TBL1X: variants seen among roughly 807,000 people sequenced by gnomAD.
TBL1X encodes F-box-like/WD repeat-containing protein TBL1X.
TBL1X carries 10 observed loss-of-function variants against 50.7 expected under a neutral mutation model. That is an observed-to-expected ratio of 0.20 (90% CI 0.12 to 0.33). The LOEUF (loss-of-function observed/expected upper bound fraction) is 0.33. Among genes scored for constraint, TBL1X ranks in the 10% least tolerant of loss-of-function variants. The pLI, the probability that TBL1X is intolerant of heterozygous loss-of-function variation, is 1.00. For synonymous variants in TBL1X, 190 were observed against 214.7 expected, an observed-to-expected ratio of 0.88 and a Z score of 1.01; for missense variants, 340 against 504.4, an observed-to-expected ratio of 0.67 and a Z score of 3.12.
At chrX:9,541,024 G>A (rs6530302) in intron 2 of TBL1X, among the ~76,000 whole-genome samples, 42,101 of 110,653 alleles carry the variant, frequency 0.38, 6,062 homozygotes, top group East Asian at 0.6. Flanking sequence ...TAAGTAGTAA[G>A]CAAAGAGATT....
intron 2 of TBL1X, among the ~76,000 whole-genome samples, chrX:9,590,377 A>T (rs78145134): frequency 1.8e-5 from 1 of 55,646 alleles, no homozygotes; most frequent in African/African-American, 7.1e-5. Flanking sequence ...TTTTTTTAAA[A>T]AAGTCAGATG....
Position 9,703,758 on chromosome X carries a change from CT to C in TBL1X, c.1115-1233del, listed in dbSNP as rs2083189853. Among the ~76,000 whole-genome samples, 6 of 112,193 alleles carry C rather than the reference CT, an allele frequency of 5.3e-5. No homozygotes were observed. The South Asian group carries it at 2.3e-3, about 42-fold the overall frequency. On this transcript the variant is annotated intron_variant, in intron 12 of 17. Coordinates refer to ENST00000645353, the MANE Select transcript of TBL1X (RefSeq NM_005647.4). ...GCTCTCTCCCCCTTGTCTGGGGCTG[CT>C]TGCAACATCCACATCTGTAGCTGAG...
At chrX:9,555,825 G>GC (rs1398099416) in intron 2 of TBL1X, among the ~76,000 whole-genome samples, 57 of 111,667 alleles carry the variant, frequency 5.1e-4, no homozygotes, top group African/African-American at 1.8e-3. Context: ...AAGGAGTCAG[G>GC]CCCCTTTTTC....
At chrX:9,618,582 G>A (rs756850072) in intron 2 of TBL1X, among the ~76,000 whole-genome samples, 2 of 111,859 alleles carry the variant, frequency 1.8e-5, no homozygotes, top group Non-Finnish European at 3.8e-5. Flanking sequence ...GGGAGGCTGA[G>A]GCAGAAGAAT....
intron 2 of TBL1X, among the ~76,000 whole-genome samples, chrX:9,521,257 A>G (rs943532826): frequency 7.2e-5 from 8 of 111,759 alleles, no homozygotes; most frequent in African/African-American, 2.6e-4. Flanking sequence ...AGAAAGGAAG[A>G]TGATTTCTCT....
intron 2 of TBL1X, among the ~76,000 whole-genome samples, chrX:9,552,953 G>A (rs1027645235): frequency 9.0e-6 from 1 of 111,295 alleles, no homozygotes; most frequent in Non-Finnish European, 1.9e-5. Flanking sequence ...GGCCAGCCTG[G>A]GCAACAGAGA....
rs1239601561 is a variant in TBL1X at position 9,602,005 on chromosome X, C to G, written c.-130-38268C>G. ...GTTGCAGTGAGCCGAGATTGCGCCA[C>G]TGCACTCCAGCCTGGGCAACAGGTC... On this transcript the variant is annotated intron_variant, in intron 2 of 17. Transcript: ENST00000645353. 1.2e-4 allele frequency among the ~76,000 whole-genome samples: 14 copies of G among 112,188 alleles called. 1 individual carries two copies. The highest frequency in any genetic ancestry group is 7.5e-5 in the Non-Finnish European group (4 of 53,248).
chrX:9,622,967 C>T (rs961670854), intron 2 of TBL1X, among the ~76,000 whole-genome samples: 7 of 112,152 alleles, frequency 6.2e-5, no homozygotes, highest in Non-Finnish European at 1.3e-4. Context: ...CTGTTTGAGT[C>T]TCTGCTTCCA....
At chrX:9,569,327 TGTGTCTATC>T (rs1200099930) in intron 2 of TBL1X, among the ~76,000 whole-genome samples, 2 of 56,105 alleles carry the variant, frequency 3.6e-5, no homozygotes, top group Non-Finnish European at 7.5e-5. Context: ...CTGTGTGTGT[TGTGTCTATC>T]TGTGCAGTGT....
At chrX:9,514,154 C>T (rs770775541) in intron 2 of TBL1X, among the ~76,000 whole-genome samples, 1 of 111,663 alleles carries the variant, frequency 9.0e-6, no homozygotes, top group East Asian at 2.9e-4. Flanking sequence ...GTGCACAGAG[C>T]AGCCCCCATA....
intron 1 of TBL1X, among the ~76,000 whole-genome samples, chrX:9,471,869 C>T (rs1220781703): frequency 9.0e-6 from 1 of 111,489 alleles, no homozygotes; most frequent in Non-Finnish European, 1.9e-5. Flanking sequence ...TCCCTTGAGC[C>T]TGGAACCGAT....
chrX:9,473,602 T>C (rs900684648), intron 1 of TBL1X, among the ~76,000 whole-genome samples: 2 of 112,217 alleles, frequency 1.8e-5, no homozygotes, highest in Non-Finnish European at 1.9e-5. Flanking sequence ...ATTGGAACAG[T>C]GTTTTCAACG....
At chrX:9,633,708 C>T (rs1334396887) in intron 2 of TBL1X, among the ~76,000 whole-genome samples, 1 of 112,421 alleles carries the variant, frequency 8.9e-6, no homozygotes, top group Non-Finnish European at 1.9e-5. Flanking sequence ...TTGGAGAACA[C>T]ATAGTCTTTT....
intron 2 of TBL1X, among the ~76,000 whole-genome samples, chrX:9,576,052 T>G (rs971885834): frequency 8.9e-6 from 1 of 112,100 alleles, no homozygotes; most frequent in African/African-American, 3.2e-5. Flanking sequence ...TAAGAAGGTT[T>G]TTAAAAGGAA....
chrX:9,685,023 A>G (rs1176531724), intron 6 of TBL1X, among the ~76,000 whole-genome samples: 1 of 112,563 alleles, frequency 8.9e-6, no homozygotes, highest in African/African-American at 3.2e-5. Context: ...GGATGCCTTC[A>G]TTACCGGGCT....
At chrX:9,496,777 C>T (rs934504613) in intron 1 of TBL1X, among the ~76,000 whole-genome samples, 2 of 111,471 alleles carry the variant, frequency 1.8e-5, no homozygotes, top group African/African-American at 3.3e-5. Context: ...GTTCCTAGCC[C>T]GAATGAGGGT....
intron 2 of TBL1X, among the ~76,000 whole-genome samples, chrX:9,556,871 C>A (rs1296979772): frequency 9.1e-6 from 1 of 109,599 alleles, no homozygotes; most frequent in South Asian, 4.0e-4. Flanking sequence ...GCTCATGGCC[C>A]CTTCCTCCAT....
At chrX:9,711,579 A>G (rs374801309) in intron 15 of TBL1X, 32 bp from the exon 16 acceptor site, 4 of 1,145,938 alleles carry the variant, frequency 3.5e-6, no homozygotes, top group African/African-American at 1.8e-5. Context: ...CACCGTGTGT[A>G]TGTGATTTTG....
At chrX:9,466,789 T>C (rs2081778045) in intron 1 of TBL1X, among the ~76,000 whole-genome samples, 1 of 112,056 alleles carries the variant, frequency 8.9e-6, no homozygotes, top group Admixed American at 9.4e-5. Flanking sequence ...GAACGTTGAG[T>C]ATGACGCGTT....
Sources: allele counts gnomAD v4.1 joint callset (sites outside exome capture counted in the v4.1 genomes callset), GRCh38; gene constraint gnomAD v4.1.1; transcripts MANE v1.5; gene names NCBI Gene and HGNC (gene_info 2026-07-23, HGNC 2026-07-21).